Variants in KIF16B observed in about 807,000 individuals in gnomAD.
KIF16B encodes the protein kinesin family member 16B, also known as kinesin-like protein KIF16B.
KIF16B carries 98 observed loss-of-function variants against 156.3 expected under a neutral mutation model. That is an observed-to-expected ratio of 0.63 (90% CI 0.53 to 0.74). The LOEUF (loss-of-function observed/expected upper bound fraction) is 0.74. KIF16B is among the 30% of genes least tolerant of loss of function. The probability of loss-of-function intolerance (pLI) is 0.00; values close to 1 mark genes in which losing one functional copy is unlikely to be tolerated. For missense variants in KIF16B, 1,421 were observed against 1,606.5 expected (o/e 0.88, Z 1.97); for synonymous variants, 564 against 583.7 (o/e 0.97, Z 0.49).
intron 1 of KIF16B, among the ~76,000 whole-genome samples, chr20:16,559,551 T>G (rs781050036): frequency 6.6e-6 from 1 of 152,090 alleles, no homozygotes; most frequent in Non-Finnish European, 1.5e-5. Context: ...GAAGGATCAC[T>G]TGAGCCCAAG....
intron 12 of KIF16B, among the ~76,000 whole-genome samples, chr20:16,474,493 C>G (rs2067753789): frequency 6.6e-6 from 1 of 152,194 alleles, no homozygotes. Context: ...TTATTGAGGA[C>G]AGCAATATAC....
rs945426242 is a variant in KIF16B, at chr20:16,387,826, T to C, written c.1785-6079A>G. Among the ~76,000 whole-genome samples, 9 of 152,146 alleles carry C rather than the reference T, an allele frequency of 5.9e-5. No homozygotes were observed. The East Asian group carries it at 9.7e-4, about 16-fold the overall frequency. On this transcript the variant is annotated intron_variant, in intron 17 of 25. Transcript: ENST00000354981. Reference sequence around the variant, plus strand: ...AAGAGTCTCTGGATTGGTGAAATCATAGGTCCTCCTCAGGCGAAGCCTTCA... The same window carrying C: ...AAGAGTCTCTGGATTGGTGAAATCACAGGTCCTCCTCAGGCGAAGCCTTCA...
intron 15 of KIF16B, among the ~76,000 whole-genome samples, chr20:16,407,710 T>C (rs919525011): frequency 2.0e-5 from 3 of 152,204 alleles, no homozygotes; most frequent in South Asian, 2.1e-4. Context: ...ATAGATGAAA[T>C]AGCCTGTGAA....
intron 12 of KIF16B, among the ~76,000 whole-genome samples, chr20:16,470,843 G>C (rs1361031695): frequency 7.3e-6 from 1 of 137,684 alleles, no homozygotes. Context: ...AAATAAGATT[G>C]ATTTTTTTTT....
intron 12 of KIF16B, among the ~76,000 whole-genome samples, chr20:16,490,349 T>C (rs917917601): frequency 2.6e-5 from 4 of 152,034 alleles, no homozygotes; most frequent in African/African-American, 9.7e-5. Flanking sequence ...GAGAACAGCC[T>C]GGACAACATG....
At position 16,467,568 on chromosome 20, in the gene KIF16B, T is replaced by A. The variant is rs182363851; in HGVS notation, c.1302+26723A>T. ...AACATGCAAGAACATACAGATCATG[T>A]AAGCAGAAAGATGAAAAAATCTTGA... is the stretch of plus-strand genomic sequence containing the variant. On this transcript the variant is annotated intron_variant, in intron 12 of 25. Coordinates refer to ENST00000354981, the MANE Select transcript of KIF16B (RefSeq NM_024704.5). Among the ~76,000 whole-genome samples the A allele has an allele frequency of 1.4e-4, 21 of 152,324 alleles. No homozygotes were observed. The East Asian group carries it at 4.1e-3, about 29-fold the overall frequency.
intron 23 of KIF16B, among the ~76,000 whole-genome samples, chr20:16,339,068 G>A (rs770072775): frequency 2.6e-5 from 4 of 152,182 alleles, no homozygotes; most frequent in Non-Finnish European, 1.5e-5. Context: ...ATAATGGTGC[G>A]TTTAAATGCT....
intron 1 of KIF16B, among the ~76,000 whole-genome samples, chr20:16,545,369 T>TAA (rs1295462522): frequency 1.5e-5 from 2 of 135,818 alleles, no homozygotes; most frequent in Admixed American, 7.4e-5. Flanking sequence ...CATCTCTATT[T>TAA]AAAAAAAAAA....
chr20:16,536,268 A>G (rs2069956679), intron 1 of KIF16B, among the ~76,000 whole-genome samples: 1 of 152,096 alleles, frequency 6.6e-6, no homozygotes. Context: ...GCTCTCACTC[A>G]TATGTGGGAG....
chr20:16,368,671 T>C, intron 22 of KIF16B: 4 of 985,952 alleles, frequency 4.1e-6, no homozygotes, highest in Non-Finnish European at 4.8e-6. Flanking sequence ...AGCATCCAAC[T>C]CTTCCTCACC....
intron 1 of KIF16B, among the ~76,000 whole-genome samples, chr20:16,551,130 T>C (rs958123294): frequency 6.7e-5 from 7 of 105,008 alleles, no homozygotes; most frequent in Admixed American, 6.1e-4. Flanking sequence ...GGGCTTTCTC[T>C]TCTTTTTTTT....
chr20:16,459,744 T>A (rs2067297319), intron 12 of KIF16B, among the ~76,000 whole-genome samples: 1 of 152,224 alleles, frequency 6.6e-6, no homozygotes, highest in African/African-American at 2.4e-5. Context: ...TTTTTGCTAA[T>A]CTCCTGTGGG....
At chr20:16,362,932 T>G (rs140850411) in intron 22 of KIF16B, among the ~76,000 whole-genome samples, 41 of 152,314 alleles carry the variant, frequency 2.7e-4, no homozygotes, top group African/African-American at 8.4e-4. Context: ...TAATAGAATC[T>G]CTTTCCTTCT....
chr20:16,320,411 C>T (rs1038728319), intron 24 of KIF16B, among the ~76,000 whole-genome samples: 1 of 152,034 alleles, frequency 6.6e-6, no homozygotes. Flanking sequence ...ACCCTCCTTC[C>T]TTCCACAAAA....
intron 24 of KIF16B, among the ~76,000 whole-genome samples, chr20:16,317,312 C>T (rs2063712102): frequency 6.6e-6 from 1 of 152,114 alleles, no homozygotes. Context: ...GATACAGTGT[C>T]CTATATTTAA....
chr20:16,535,777 T>G (rs538448150), intron 1 of KIF16B, among the ~76,000 whole-genome samples: 1 of 152,114 alleles, frequency 6.6e-6, no homozygotes, highest in African/African-American at 2.4e-5. Flanking sequence ...GAAATGCAAA[T>G]CAAAACCACA....
chr20:16,494,313 T>C lies in KIF16B; in HGVS notation c.1280A>G (p.Asn427Ser). 6.2e-7 allele frequency: 1 copy of C among 1,603,730 alleles called. No individual in the cohort carries two copies. ...TACTTTCAAAATATTTTGGGTTTCA[T>C]TCCACTTATTTGTCCATTCCTTGGT... is the stretch of plus-strand genomic sequence containing the variant. ...ELTKEWTNKW[N>S]ETQNILKEQT... is the part of the protein sequence containing the mutation. The change falls in exon 12 of 26, where the codon AAT becomes AGT. Residue 427 changes from asparagine to serine, a missense_variant. By Grantham distance (46) the Asn-to-Ser change is conservative (BLOSUM62 1). Coordinates refer to ENST00000354981, the MANE Select transcript of KIF16B (RefSeq NM_024704.5).
intron 22 of KIF16B, chr20:16,367,689 A>G: frequency 6.2e-7 from 1 of 1,612,586 alleles, no homozygotes; most frequent in Non-Finnish European, 8.5e-7. Context: ...CCTGAACTCC[A>G]TTTGGCAAAA....
intron 1 of KIF16B, among the ~76,000 whole-genome samples, chr20:16,544,624 A>C (rs1236820256): frequency 1.3e-5 from 2 of 151,178 alleles, no homozygotes; most frequent in Non-Finnish European, 2.9e-5. Flanking sequence ...AAAAAAAAAA[A>C]AAAAAAACTT....
Sources: gnomAD v4.1 joint callset for allele counts (sites outside exome capture counted in the v4.1 genomes callset) on GRCh38, gnomAD v4.1.1 for gene constraint, MANE v1.5 for transcripts, NCBI Gene and HGNC (gene_info 2026-07-23, HGNC 2026-07-21) for gene names.